ABCA2: variants seen among roughly 807,000 people sequenced by gnomAD.
The protein encoded by ABCA2 is ATP binding cassette subfamily A member 2, also known as ATP-binding cassette sub-family A member 2.
ABCA2 carries 84 observed loss-of-function variants against 262.8 expected under a neutral mutation model. The ratio of observed to expected loss-of-function variants is 0.32; its 90% CI spans 0.27 to 0.38. The LOEUF is 0.38. Ranked by LOEUF, ABCA2 falls within the 10% of genes least tolerant of loss-of-function variation. The probability of loss-of-function intolerance (pLI) is 1.00; values close to 1 mark genes in which losing one functional copy is unlikely to be tolerated. For missense variants in ABCA2, 2,662 were observed against 3,405.9 expected (o/e 0.78, Z 5.44); for synonymous variants, 1,696 against 1,502.9 (o/e 1.13, Z -2.97).
At position 137,015,534 on chromosome 9, in the gene ABCA2, C is replaced by T. The variant is rs1279759803; in HGVS notation, c.3577G>A (p.Ala1193Thr). Residue 1193 changes from alanine (A) to threonine (T), a missense_variant, in exon 24 of 49, where the codon GCC becomes ACC. By Grantham distance (58) the Ala-to-Thr change is moderately conservative. Coordinates refer to ENST00000341511, the MANE Select transcript of ABCA2 (RefSeq NM_001606.5). ...DEADLLGDRIAIISHGKLKCC... is the reference protein window; with the variant it reads ...DEADLLGDRITIISHGKLKCC... ...TTGAGCTTCCCATGGGAGATGATGGCAATGCGGTCCCCAAGCAGGTCAGCC... is the reference window on the plus strand; with the variant it reads ...TTGAGCTTCCCATGGGAGATGATGGTAATGCGGTCCCCAAGCAGGTCAGCC... 1 of 1,612,324 alleles carries T rather than the reference C, an allele frequency of 6.2e-7. No homozygotes were observed. Among genetic ancestry groups the T allele is most frequent in the African/African-American group, 1.3e-5 (1 of 74,872 alleles).
At chr9:137,018,654 G>C in intron 13 of ABCA2, 65 bp downstream of exon 13, 1 of 1,376,480 alleles carries the variant, frequency 7.3e-7, no homozygotes, top group South Asian at 1.3e-5. Context: ...AGGGGGACGG[G>C]TGGGGCTGGG....
chr9:137,010,060 A>G lies in ABCA2; in HGVS notation c.6418T>C (p.Phe2140Leu). ...LGYCPQCDAL[F>L]DELTAREHLQ... is the part of the protein sequence containing the mutation. Reference sequence around the variant, plus strand: ...TGCTCCCGGGCCGTGAGCTCGTCGAACAGCGCGTCACACTGCGGGCAGTAG... The same window carrying G: ...TGCTCCCGGGCCGTGAGCTCGTCGAGCAGCGCGTCACACTGCGGGCAGTAG... The change falls in exon 42 of 49, where the codon TTC becomes CTC. Residue 2140 changes from phenylalanine (F) to leucine (L), a missense_variant. Coordinates refer to ENST00000341511, the MANE Select transcript of ABCA2 (RefSeq NM_001606.5). 1 of 1,601,060 alleles carries G rather than the reference A, an allele frequency of 6.2e-7. No homozygotes were observed. The highest frequency in any genetic ancestry group is 8.5e-7 in the Non-Finnish European group (1 of 1,177,190).
In ABCA2 at chr9:137,022,837, G is replaced by T. The variant is rs748392954; in HGVS notation, c.304C>A (p.Arg102Ser). The change falls in exon 5 of 49, where the codon CGC (arginine) becomes AGC (serine). Residue 102 changes from arginine (R) to serine (S), a missense_variant. Physicochemically the swap from Arg to Ser is moderately radical, Grantham distance 110. This residue lies in a region of ABCA2 where 101 missense variants were observed against 152.3 expected (regional missense o/e 0.66). Coordinates refer to ENST00000341511, the MANE Select transcript of ABCA2 (RefSeq NM_001606.5). Reference sequence around the variant, plus strand: ...AACAGGTTGCCTTCCTCCACCACGCGGTCCAGGCGCTCAAGCAGCTGCGTG... The same window carrying T: ...AACAGGTTGCCTTCCTCCACCACGCTGTCCAGGCGCTCAAGCAGCTGCGTG... Reference protein sequence around the residue: ...TVTQLLERLDRVVEEGNLFDP... With the variant: ...TVTQLLERLDSVVEEGNLFDP... 6.3e-7 allele frequency: 1 copy of T among 1,587,110 alleles called. No individual in the cohort carries two copies. The highest frequency in any genetic ancestry group is 1.1e-5 in the South Asian group (1 of 87,082).
chr9:137,014,676 T>C lies in ABCA2; in HGVS notation c.4003+14A>G, dbSNP rs2131444008. The C allele has an allele frequency of 6.2e-7, 1 of 1,602,804 alleles. No individual in the cohort carries two copies. Among genetic ancestry groups the C allele is most frequent in the Non-Finnish European group, 8.5e-7 (1 of 1,176,196 alleles). The stretch of plus-strand genomic sequence containing the variant: ...TGGGTGGGGTGGGCTGAGCAAGTGG[T>C]CCAGGCCCCTCACCGGCCTCACTGT... On this transcript the variant is annotated intron_variant, in intron 26 of 48. Coordinates refer to ENST00000341511, the MANE Select transcript of ABCA2 (RefSeq NM_001606.5).
In ABCA2 at chr9:137,021,440, C is replaced by T. The variant is rs750372867; in HGVS notation, c.849G>A (p.Leu283=). 6 of 1,611,606 alleles carry T rather than the reference C, an allele frequency of 3.7e-6. No homozygotes were observed. The South Asian group carries it at 5.5e-5, about 15-fold the overall frequency. The change falls in exon 8 of 49, where the codon CTG becomes CTA. Residue 283 remains leucine (L), a synonymous_variant. Transcript: ENST00000341511. This position sits in a 1 kb window ranked among gnomAD's most constrained non-coding sequence, Gnocchi z 6.0. ...AAARARRFSG[L]SAELRNQLDV... ...CCAGCTGGTTCCGGAGCTCAGCAGA[C>T]AGCCCAGAGAAGCGCCTGGCACGCG...
At position 137,024,401 on chromosome 9, in the gene ABCA2, AG is replaced by A. The variant is rs538201235; in HGVS notation, c.67-166del. Among the ~76,000 whole-genome samples the A allele has an allele frequency of 4.6e-3, 694 of 152,332 alleles. 7 individuals are homozygous for A. Among genetic ancestry groups the A allele is most frequent in the Non-Finnish European group, 4.3e-3 (293 of 68,020 alleles). ...ACCACTGAAGGTCTGAGCCCCTTCC[AG>A]GGCACTGAGGGTAAGGATTGTCTGG... On this transcript the variant is annotated intron_variant, in intron 1 of 48. Transcript: ENST00000341511.
In ABCA2 at chr9:137,020,726, G is replaced by A. The variant is rs373851416; in HGVS notation, c.1233C>T (p.Ala411=). The change falls in exon 9 of 49, where the codon GCC becomes GCT. Residue 411 remains alanine (A), a synonymous_variant. Coordinates refer to ENST00000341511, the MANE Select transcript of ABCA2 (RefSeq NM_001606.5). ...TGCCACACAAGATGGGCTGCAGGCC[G>A]GCCCAGAGCTGTACGAAGGCTGAGC... ...GQCSAFVQLW[A]GLQPILCGNN... 1.6e-5 allele frequency: 25 copies of A among 1,601,310 alleles called. No homozygotes were observed. The highest frequency in any genetic ancestry group is 6.7e-5 in the African/African-American group (5 of 74,910).
chr9:137,009,338 C>A, intron 45 of ABCA2, 32 bp downstream of exon 45: 2 of 1,413,348 alleles, frequency 1.4e-6, no homozygotes, highest in South Asian at 2.5e-5. Flanking sequence ...CCGGGCCCGC[C>A]CCAGCCCACC....
intron 6 of ABCA2, 144 bp from the exon 7 acceptor site, chr9:137,022,145 G>T: frequency 1.6e-6 from 1 of 635,164 alleles, no homozygotes; most frequent in South Asian, 2.0e-5. Context: ...CAGATGGTGG[G>T]GGCGTGGCTC....
Position 137,021,657 on chromosome 9 carries a change from C to T in ABCA2, c.679-47G>A. 1 of 1,526,402 alleles carries T rather than the reference C, an allele frequency of 6.6e-7. No homozygotes were observed. Among genetic ancestry groups the T allele is most frequent in the Non-Finnish European group, 8.8e-7 (1 of 1,134,582 alleles). 94.6% of individuals were successfully genotyped at this position (1,526,402 alleles called of 1,614,324 possible). ...GTGGAGCCACGGCAAGGACTTTGTC[C>T]CCAACCACTAGGGCCTCAGGCCTCA... On this transcript the variant is annotated intron_variant, in intron 7 of 48. Transcript: ENST00000341511. This position sits in a 1 kb window ranked among gnomAD's most constrained non-coding sequence, Gnocchi z 6.0.
In ABCA2 at chr9:137,010,347, G is replaced by A. The variant is rs775299133; in HGVS notation, c.6199C>T (p.Arg2067Cys). 10 of 1,579,324 alleles carry A rather than the reference G, an allele frequency of 6.3e-6. No homozygotes were observed. Among genetic ancestry groups the A allele is most frequent in the Middle Eastern group, 1.7e-4 (1 of 6,036 alleles). ...TKVYKSRKIGRILAVDRLCLG... is the reference protein window; with the variant it reads ...TKVYKSRKIGCILAVDRLCLG... ...CACAGGCGGTCAACGGCCAGGATACGGCCAATCTTCCGGGACTTGTAGACC... is the reference window on the plus strand; with the variant it reads ...CACAGGCGGTCAACGGCCAGGATACAGCCAATCTTCCGGGACTTGTAGACC... Residue 2067 changes from arginine to cysteine, a missense_variant, in exon 41 of 49, where the codon CGT becomes TGT. By Grantham distance (180) the Arg-to-Cys change is radical (BLOSUM62 -3). This residue lies in a region of ABCA2 where 602 missense variants were observed against 897.4 expected (regional missense o/e 0.67). Coordinates refer to ENST00000341511, the MANE Select transcript of ABCA2 (RefSeq NM_001606.5).
rs753821841 is a variant in ABCA2 at position 137,009,064 on chromosome 9, A to C, written c.6828-11T>G. The C allele has an allele frequency of 3.1e-6, 5 of 1,603,686 alleles. No individual in the cohort carries two copies. The highest frequency in any genetic ancestry group is 4.2e-6 in the Non-Finnish European group (5 of 1,179,334). On this transcript the variant is annotated splice_polypyrimidine_tract_variant and intron_variant, in intron 45 of 48. Transcript: ENST00000341511. ...TAGCCATCTCCAAACCTGGTGGGAC[A>C]GGCCGGTGGCCCGGAGCCCTGCGCC...
Position 137,023,825 on chromosome 9 carries a change from G to T in ABCA2, c.163+13C>A. The T allele has an allele frequency of 1.3e-6, 1 of 777,928 alleles. No individual in the cohort carries two copies. Among genetic ancestry groups the T allele is most frequent in the Non-Finnish European group, 2.3e-6 (1 of 429,444 alleles). The allele number at this position is 777,928 out of a possible 1,614,324, so 48.2% of individuals were successfully genotyped here. ...TGCCCAGGCCAGCCAGGAGGAGGTG[G>T]CCGCTCACTTACAGACTGCATGCCA... is the stretch of plus-strand genomic sequence containing the variant. On this transcript the variant is annotated intron_variant, in intron 3 of 48. Coordinates refer to ENST00000341511, the MANE Select transcript of ABCA2 (RefSeq NM_001606.5).
intron 1 of ABCA2, among the ~76,000 whole-genome samples, chr9:137,026,516 T>C (rs1252469577): frequency 1.3e-5 from 2 of 152,198 alleles, no homozygotes; most frequent in East Asian, 1.9e-4. Context: ...CCCCACCTGC[T>C]CCAGCCATGG....
rs753165068 is a variant in ABCA2, at chr9:137,013,508, G to T, written c.4503C>A (p.Pro1501=). 5.6e-6 allele frequency: 9 copies of T among 1,610,430 alleles called. No individual in the cohort carries two copies. Among genetic ancestry groups the T allele is most frequent in the Non-Finnish European group, 7.6e-6 (9 of 1,179,474 alleles). Residue 1501 remains proline, a synonymous_variant, in exon 29 of 49, where the codon CCC becomes CCA. Coordinates refer to ENST00000341511, the MANE Select transcript of ABCA2 (RefSeq NM_001606.5). ...SPSQYHNYTQ[P]RGNFIPYANE... is the part of the protein sequence containing the mutation. ...TGGCGTAGGGGATGAAATTGCCACG[G>T]GGCTGGGTGTAGTTGTGGTACTGGG...
chr9:137,015,882 G>A lies in ABCA2; in HGVS notation c.3318-11C>T, dbSNP rs750199946. The A allele has an allele frequency of 6.8e-6, 11 of 1,608,056 alleles. No individual in the cohort carries two copies. Among genetic ancestry groups the A allele is most frequent in the Non-Finnish European group, 8.5e-6 (10 of 1,176,502 alleles). ...AGGTCCTCGATCATCCTGGGACAGG[G>A]AGGTGGGGCATGGGGCTGCTGCTAT... On this transcript the variant is annotated splice_polypyrimidine_tract_variant and intron_variant, in intron 22 of 48. Coordinates refer to ENST00000341511, the MANE Select transcript of ABCA2 (RefSeq NM_001606.5).
intron 6 of ABCA2, 100 bp from the exon 7 acceptor site, chr9:137,022,101 G>T (rs1399672140): frequency 2.9e-6 from 2 of 701,088 alleles, no homozygotes; most frequent in Non-Finnish European, 4.6e-6. Context: ...GGCTTAGATG[G>T]TGGGGGCGTG....
chr9:137,023,828 G>T lies in ABCA2; in HGVS notation c.163+10C>A, dbSNP rs376809252. ...CCAGGCCAGCCAGGAGGAGGTGGCC[G>T]CTCACTTACAGACTGCATGCCAGCC... On this transcript the variant is annotated intron_variant, in intron 3 of 48. Transcript: ENST00000341511. 4.0e-4 allele frequency: 316 copies of T among 783,822 alleles called. No homozygotes were observed. Among genetic ancestry groups the T allele is most frequent in the Non-Finnish European group, 6.7e-4 (291 of 434,522 alleles). The allele number at this position is 783,822 out of a possible 1,614,324, so 48.6% of individuals were successfully genotyped here.
Position 137,017,664 on chromosome 9 carries a change from G to A in ABCA2, c.2240C>T (p.Ala747Val), listed in dbSNP as rs764924568. ...EVMKTMGLNNAVHWVAWFITG... is the reference protein window; with the variant it reads ...EVMKTMGLNNVVHWVAWFITG... ...GATGAACCAGGCCACCCAGTGCACCGCGTTGTTCAGGCCCATGGTCTTCAT... is the reference window on the plus strand; with the variant it reads ...GATGAACCAGGCCACCCAGTGCACCACGTTGTTCAGGCCCATGGTCTTCAT... Residue 747 changes from alanine (A) to valine (V), a missense_variant, in exon 17 of 49, where the codon GCG becomes GTG. Ala to Val is a moderately conservative substitution (Grantham distance 64). This residue lies in a region of ABCA2 where 188 missense variants were observed against 343.4 expected (regional missense o/e 0.55). Transcript: ENST00000341511. 2 of 1,611,930 alleles carry A rather than the reference G, an allele frequency of 1.2e-6. No homozygotes were observed. Among genetic ancestry groups the A allele is most frequent in the East Asian group, 2.2e-5 (1 of 44,860 alleles).
Sources: gnomAD v4.1 joint callset for allele counts (sites outside exome capture counted in the v4.1 genomes callset) on GRCh38, gnomAD v4.1.1 for gene constraint, gnomAD v4.1.1 regional missense constraint, Gnocchi (gnomAD v3.1) non-coding constraint, MANE v1.5 for transcripts, NCBI Gene and HGNC (gene_info 2026-07-23, HGNC 2026-07-21) for gene names.